The following RINT1 variants were observed in gnomAD, a reference collection of about 807,000 sequenced individuals.
The protein encoded by RINT1 is RAD50 interactor 1.
Under a neutral mutation model 97.7 loss-of-function variants are expected in RINT1, and 75 were observed. The ratio of observed to expected loss-of-function variants is 0.77; its 90% CI spans 0.64 to 0.93. RINT1 has a LOEUF of 0.93. Among genes scored for constraint, RINT1 ranks in the 40% least tolerant of loss-of-function variants. The probability of loss-of-function intolerance (pLI) is 0.00; values close to 1 mark genes in which losing one functional copy is unlikely to be tolerated. For missense variants in RINT1, 892 were observed against 925.2 expected, an observed-to-expected ratio of 0.96 and a Z score of 0.47; for synonymous variants, 303 against 326.3, an observed-to-expected ratio of 0.93 and a Z score of 0.77.
chr7:105,550,502 G>C lies in RINT1; in HGVS notation c.1333+16G>C. 6.4e-7 allele frequency: 1 copy of C among 1,560,284 alleles called. No individual in the cohort carries two copies. The highest frequency in any genetic ancestry group is 8.8e-7 in the Non-Finnish European group (1 of 1,131,336). On this transcript the variant is annotated intron_variant, in intron 9 of 14. Coordinates refer to ENST00000257700, the MANE Select transcript of RINT1 (RefSeq NM_021930.6). ...GAGAGAAAATGTAAGTGCTGATGTG[G>C]CCAGATGGTAGGGAGATATGTCTGT...
Position 105,548,610 on chromosome 7 carries a change from C to G in RINT1, c.896C>G (p.Ser299Cys), listed in dbSNP as rs2133393551. The stretch of plus-strand genomic sequence containing the variant: ...CCAGAAAAATACTCTCTTCCTGCCT[C>G]CCCTTCTGTCATCCTGCCCATCCAG... ...QLPEKYSLPA[S>C]PSVILPIQVM... The change falls in exon 7 of 15, where the codon TCC (serine) becomes TGC (cysteine). Residue 299 changes from serine (S) to cysteine (C), a missense_variant. Transcript: ENST00000257700. The G allele has an allele frequency of 6.2e-7, 1 of 1,614,148 alleles. No individual in the cohort carries two copies.
rs1015150939 is a variant in RINT1 at position 105,536,606 on chromosome 7, A to C, written c.130A>C (p.Ser44Arg). The change falls in exon 3 of 15, where the codon AGT (serine) becomes CGT (arginine). Residue 44 changes from serine (S) to arginine (R), a missense_variant. Transcript: ENST00000257700. ...AGTTCTTATTGGAAGTAAACAAGTC[A>C]GTGAAGGTACAGATAATGGTGATCT... ...VTVLIGSKQVSEGTDNGDLPS... is the reference protein window; with the variant it reads ...VTVLIGSKQVREGTDNGDLPS... 6.2e-7 allele frequency: 1 copy of C among 1,605,484 alleles called. No homozygotes were observed. The highest frequency in any genetic ancestry group is 1.3e-5 in the African/African-American group (1 of 74,580).
chr7:105,542,891 GTT>G (rs1554361047), intron 4 of RINT1, among the ~76,000 whole-genome samples: 1 of 147,464 alleles, frequency 6.8e-6, no homozygotes. Flanking sequence ...AAACTTTTAA[GTT>G]TTTTTTTTTT....
chr7:105,548,209 TG>T (rs1790758998), intron 6 of RINT1, among the ~76,000 whole-genome samples: 1 of 151,918 alleles, frequency 6.6e-6, no homozygotes, highest in South Asian at 2.1e-4. Context: ...TGTTGTTTTT[TG>T]TAGAGATAGG....
At chr7:105,540,109 T>G (rs980221257) in intron 3 of RINT1, among the ~76,000 whole-genome samples, 2 of 150,858 alleles carry the variant, frequency 1.3e-5, no homozygotes, top group African/African-American at 2.4e-5. Flanking sequence ...GATGGAGTCT[T>G]CCTCTGTCGC....
At position 105,532,340 on chromosome 7, in the gene RINT1, G is replaced by C. The variant is rs1296747487; in HGVS notation, c.25G>C (p.Ala9Pro). Residue 9 changes from alanine (A) to proline (P), a missense_variant, in exon 1 of 15, where the codon GCC becomes CCC. Physicochemically the swap from Ala to Pro is conservative, Grantham distance 27. Coordinates refer to ENST00000257700, the MANE Select transcript of RINT1 (RefSeq NM_021930.6). MLPAGEIG[A>P]SPAAPCCSES... ...GATGCTACCAGCCGGCGAGATCGGC[G>C]CCTCTCCTGCAGCCCCGGTGAGACG... The C allele has an allele frequency of 1.3e-6, 2 of 1,599,264 alleles. No individual in the cohort carries two copies. The highest frequency in any genetic ancestry group is 1.3e-5 in the African/African-American group (1 of 74,828).
chr7:105,547,869 A>G (rs1220402687), intron 6 of RINT1, among the ~76,000 whole-genome samples: 3 of 151,840 alleles, frequency 2.0e-5, no homozygotes, highest in African/African-American at 7.3e-5. Flanking sequence ...CTGGGATTAC[A>G]GGCGTGCACC....
intron 4 of RINT1, 30 bp from the exon 5 acceptor site, chr7:105,546,879 GA>G (rs752715363): frequency 3.7e-5 from 57 of 1,534,956 alleles, no homozygotes; most frequent in Admixed American, 1.0e-4. Context: ...TGTCTCAAAA[GA>G]AAAAAAAATT....
intron 12 of RINT1, 180 bp from the exon 13 acceptor site, chr7:105,565,097 G>A (rs931872275): frequency 8.5e-5 from 41 of 484,086 alleles, no homozygotes; most frequent in Non-Finnish European, 1.4e-4. Flanking sequence ...AAGAGTATTT[G>A]AGAGTGAAAA....
chr7:105,558,293 C>CA (rs11345013), intron 11 of RINT1, among the ~76,000 whole-genome samples: 39,595 of 139,060 alleles, frequency 0.28, 5,986 homozygotes, highest in Admixed American at 0.39. Context: ...AAAACAGTCT[C>CA]AAAAAAAAAA....
chr7:105,560,610 C>T (rs548028508), intron 11 of RINT1, among the ~76,000 whole-genome samples: 1 of 152,232 alleles, frequency 6.6e-6, no homozygotes, highest in Non-Finnish European at 1.5e-5. Context: ...TGGGAGAATT[C>T]TCAATGGCTT....
intron 11 of RINT1, among the ~76,000 whole-genome samples, chr7:105,561,666 ATTC>A (rs1168486335): frequency 8.6e-5 from 13 of 151,916 alleles, no homozygotes; most frequent in African/African-American, 2.9e-4. Context: ...GGTTCAAGCA[ATTC>A]TTCTGCCTCA....
chr7:105,548,779 G>A (rs1241846976), intron 7 of RINT1, 69 bp downstream of exon 7: 8 of 1,423,296 alleles, frequency 5.6e-6, no homozygotes, highest in South Asian at 1.4e-5. Flanking sequence ...TACCTTTGCT[G>A]GTTTAAGTTA....
intron 4 of RINT1, among the ~76,000 whole-genome samples, chr7:105,545,583 C>T (rs919549755): frequency 6.7e-6 from 1 of 149,724 alleles, no homozygotes; most frequent in Non-Finnish European, 1.5e-5. Context: ...TGGAGTGCAG[C>T]GGCACCCTGT....
intron 12 of RINT1, 192 bp from the exon 13 acceptor site, chr7:105,565,085 T>G (rs191815661): frequency 2.2e-6 from 1 of 445,104 alleles, no homozygotes; most frequent in Admixed American, 3.8e-5. Flanking sequence ...ATCCCCATAT[T>G]AAAGAGTATT....
intron 4 of RINT1, among the ~76,000 whole-genome samples, chr7:105,545,101 T>G (rs1156785408): frequency 6.6e-6 from 1 of 152,174 alleles, no homozygotes; most frequent in African/African-American, 2.4e-5. Flanking sequence ...TTTCCTATGT[T>G]GTAAATGTCA....
In RINT1 at chr7:105,567,299, T is replaced by C. The variant is rs775706636; in HGVS notation, c.2367T>C (p.Asn789=). ...ILLNLRTNWP[N]TGK The stretch of plus-strand genomic sequence containing the variant: ...TTAATTTGAGGACAAATTGGCCTAA[T>C]ACTGGAAAATAATGTCTTTCAGAAA... The change falls in exon 15 of 15, where the codon AAT becomes AAC. Residue 789 remains asparagine (N), a synonymous_variant. Transcript: ENST00000257700. 3.1e-6 allele frequency: 5 copies of C among 1,592,796 alleles called. No individual in the cohort carries two copies. Among genetic ancestry groups the C allele is most frequent in the Admixed American group, 1.8e-5 (1 of 55,122 alleles).
chr7:105,562,595 A>G (rs1241972269), intron 11 of RINT1, among the ~76,000 whole-genome samples: 1 of 152,176 alleles, frequency 6.6e-6, no homozygotes, highest in African/African-American at 2.4e-5. Flanking sequence ...AATGAAACAT[A>G]TGTCCACATA....
chr7:105,556,051 G>A (rs956905866), intron 11 of RINT1, among the ~76,000 whole-genome samples: 4 of 151,708 alleles, frequency 2.6e-5, no homozygotes, highest in African/African-American at 4.8e-5. Context: ...CTTCTGTGGC[G>A]TGGCTATCAC....
Sources: allele counts gnomAD v4.1 joint callset (sites outside exome capture counted in the v4.1 genomes callset), GRCh38; gene constraint gnomAD v4.1.1; transcripts MANE v1.5; gene names NCBI Gene and HGNC (gene_info 2026-07-23, HGNC 2026-07-21).